The following NAALADL2 variants were observed in gnomAD, a reference collection of about 807,000 sequenced individuals.
The protein encoded by NAALADL2 is inactive N-acetylated-alpha-linked acidic dipeptidase-like protein 2.
A neutral mutation model predicts 87.2 loss-of-function variants in NAALADL2; 76 were observed. That is an observed-to-expected ratio of 0.87 (90% CI 0.72 to 1.05). The LOEUF is 1.05. Ranked by LOEUF, NAALADL2 falls within the 50% of genes least tolerant of loss-of-function variation. NAALADL2 has a pLI of 0.00. For missense variants in NAALADL2, 1,089 were observed against 945.8 expected, an observed-to-expected ratio of 1.15 and a Z score of -1.99; for synonymous variants, 354 against 331.0, an observed-to-expected ratio of 1.07 and a Z score of -0.75.
chr3:175,128,812 T>A (rs935195282), intron 2 of NAALADL2, among the ~76,000 whole-genome samples: 1 of 151,982 alleles, frequency 6.6e-6, no homozygotes, highest in African/African-American at 2.4e-5. Context: ...CTTTTATTTT[T>A]AAATTTATTA....
At chr3:175,385,211 G>A (rs1768233317) in intron 5 of NAALADL2, among the ~76,000 whole-genome samples, 1 of 151,998 alleles carries the variant, frequency 6.6e-6, no homozygotes, top group Admixed American at 6.6e-5. Flanking sequence ...ATAAGGACAA[G>A]AAAATTATAA....
chr3:174,751,593 A>G (rs1167356599), intron 3 of NAALADL2, among the ~76,000 whole-genome samples: 2 of 149,066 alleles, frequency 1.3e-5, no homozygotes, highest in African/African-American at 5.0e-5. Context: ...AGCCCGGGAG[A>G]CTGAGGTTGC....
At chr3:174,514,177 C>T (rs909607272) in intron 1 of NAALADL2, among the ~76,000 whole-genome samples, 4 of 152,124 alleles carry the variant, frequency 2.6e-5, no homozygotes, top group Admixed American at 1.3e-4. Context: ...GAATTTTCCA[C>T]CCAGTACCTT....
intron 9 of NAALADL2, among the ~76,000 whole-genome samples, chr3:175,561,895 C>G (rs1716331944): frequency 1.3e-5 from 2 of 152,158 alleles, no homozygotes; most frequent in African/African-American, 4.8e-5. Flanking sequence ...ATAATGTAGA[C>G]TTCAACATTT....
chr3:174,562,202 A>G lies in NAALADL2; in HGVS notation c.-115+11565A>G, dbSNP rs372431612. On this transcript the variant is annotated intron_variant, in intron 2 of 3. Transcript: ENST00000434257. ...ACATTTATAATTTTCTACTTAACTC[A>G]ACTATTAGGCATTATAGGAAGAAGG... 3.9e-5 allele frequency among the ~76,000 whole-genome samples: 6 copies of G among 152,280 alleles called. No individual in the cohort carries two copies. The East Asian group carries it at 1.2e-3, about 29-fold the overall frequency.
intron 1 of NAALADL2, among the ~76,000 whole-genome samples, chr3:174,906,354 A>G (rs2108279526): frequency 6.6e-6 from 1 of 152,188 alleles, no homozygotes; most frequent in Admixed American, 6.5e-5. Flanking sequence ...TGCCTTGAGT[A>G]TCAGTTGGAT....
intron 13 of NAALADL2, among the ~76,000 whole-genome samples, chr3:175,760,927 G>T (rs754602391): frequency 6.6e-6 from 1 of 152,032 alleles, no homozygotes; most frequent in Non-Finnish European, 1.5e-5. Context: ...CAGAAAGTAC[G>T]GAATTCTCAT....
At chr3:174,621,053 T>TAACATCTCAGCAGATGGGTA (rs1720945828) in intron 2 of NAALADL2, among the ~76,000 whole-genome samples, 3 of 151,934 alleles carry the variant, frequency 2.0e-5, no homozygotes, top group African/African-American at 7.3e-5. Flanking sequence ...TATATAATTA[T>TAACATCTCAGCAGATGGGTA]AACATCTCAG....
chr3:174,460,548 T>A (rs1265946527), intron 1 of NAALADL2, among the ~76,000 whole-genome samples: 5 of 152,036 alleles, frequency 3.3e-5, no homozygotes, highest in Admixed American at 2.6e-4. Context: ...ATTTACTACC[T>A]AGAGCAGCAA....
intron 1 of NAALADL2, among the ~76,000 whole-genome samples, chr3:174,961,812 C>T (rs996565302): frequency 1.1e-4 from 16 of 152,100 alleles, no homozygotes; most frequent in Non-Finnish European, 1.6e-4. Context: ...ACTTATATAA[C>T]ATTTGTTATG....
chr3:174,877,161 G>T (rs190550594), intron 1 of NAALADL2, among the ~76,000 whole-genome samples: 1 of 151,560 alleles, frequency 6.6e-6, no homozygotes, highest in Non-Finnish European at 1.5e-5. Context: ...TATGCATTTT[G>T]GGGGGAGACA....
rs530174292 is a variant in NAALADL2, at chr3:175,258,152, C to CA, written c.939+1628dup. On this transcript the variant is annotated intron_variant, in intron 4 of 13. Coordinates refer to ENST00000454872, the MANE Select transcript of NAALADL2 (RefSeq NM_207015.3). ...TGAAACCCTGTCTCTACTAAAAATA[C>CA]AAAAAATTAGCCAGGCGTGGTGGCG... 3.4e-4 allele frequency among the ~76,000 whole-genome samples: 51 copies of CA among 151,706 alleles called. No individual in the cohort carries two copies. In the East Asian group the frequency reaches 5.8e-3, roughly 17 times the overall value.
intron 2 of NAALADL2, among the ~76,000 whole-genome samples, chr3:175,100,026 A>G (rs954895922): frequency 1.3e-5 from 2 of 150,652 alleles, no homozygotes; most frequent in Non-Finnish European, 3.0e-5. Flanking sequence ...TAGTATTTAT[A>G]TTATATGATA....
At chr3:175,309,277 C>G (rs1053306508) in intron 4 of NAALADL2, among the ~76,000 whole-genome samples, 2 of 152,036 alleles carry the variant, frequency 1.3e-5, no homozygotes, top group African/African-American at 2.4e-5. Context: ...CCTCTACCTC[C>G]CGGGTTCAAG....
intron 3 of NAALADL2, among the ~76,000 whole-genome samples, chr3:174,786,134 T>C (rs956044060): frequency 6.6e-6 from 1 of 152,108 alleles, no homozygotes; most frequent in Non-Finnish European, 1.5e-5. Context: ...CATGATCCCT[T>C]GCTTAGCAAA....
intron 2 of NAALADL2, among the ~76,000 whole-genome samples, chr3:175,141,440 A>G (rs759232437): frequency 1.3e-5 from 2 of 152,164 alleles, no homozygotes; most frequent in Admixed American, 1.3e-4. Context: ...CTACATGGTC[A>G]TAGAGAAGGT....
chr3:175,471,693 C>T lies in NAALADL2; in HGVS notation c.1588C>T (p.Pro530Ser). ...NVVAYISLHS[P>S]IRGNSSLYPV... ...TGTGGCTTATATTAGCCTCCACAGT[C>T]CCATAAGGGGGAACTCTAGTCTGTA... is the stretch of plus-strand genomic sequence containing the variant. Residue 530 changes from proline (P) to serine (S), a missense_variant, in exon 9 of 14, where the codon CCC becomes TCC. Physicochemically the swap from Pro to Ser is moderately conservative, Grantham distance 74. Transcript: ENST00000454872. 3 of 1,592,392 alleles carry T rather than the reference C, an allele frequency of 1.9e-6. No homozygotes were observed. The highest frequency in any genetic ancestry group is 2.2e-5 in the South Asian group (2 of 89,672).
chr3:175,717,794 A>G (rs1391091393), intron 11 of NAALADL2, among the ~76,000 whole-genome samples: 1 of 150,886 alleles, frequency 6.6e-6, no homozygotes, highest in African/African-American at 2.4e-5. Context: ...AGTGACCTCA[A>G]GAGAGCAGAT....
chr3:175,773,033 C>T (rs1327002664), intron 13 of NAALADL2: 1 of 152,058 alleles, frequency 6.6e-6, no homozygotes, highest in Non-Finnish European at 1.5e-5. Context: ...GGCATGTATC[C>T]TGGTTAACAG....
Sources: allele counts gnomAD v4.1 joint callset (sites outside exome capture counted in the v4.1 genomes callset), GRCh38; gene constraint gnomAD v4.1.1; transcripts MANE v1.5; gene names NCBI Gene and HGNC (gene_info 2026-07-23, HGNC 2026-07-21).